SUPT3H: variants seen among roughly 807,000 people sequenced by gnomAD.
SUPT3H encodes transcription initiation protein SPT3 homolog.
A neutral mutation model predicts 44.3 loss-of-function variants in SUPT3H; 44 were observed. The ratio of observed to expected loss-of-function variants is 0.99; its 90% CI spans 0.78 to 1.28. The LOEUF is 1.28. Ranked by LOEUF, SUPT3H falls within the 50% of genes most tolerant of loss-of-function variation. The pLI is 0.00. For synonymous variants in SUPT3H, 124 were observed against 125.6 expected, an observed-to-expected ratio of 0.99 and a Z score of 0.09; for missense variants, 380 against 387.1, an observed-to-expected ratio of 0.98 and a Z score of 0.15.
intron 1 of SUPT3H, among the ~76,000 whole-genome samples, chr6:45,374,617 C>T (rs186686156): frequency 8.7e-4 from 132 of 152,268 alleles, no homozygotes; most frequent in African/African-American, 3.2e-3. Context: ...CATTCTAATA[C>T]ATAATCAGAT....
In SUPT3H at chr6:45,219,987, C is replaced by T. The variant is rs758952218; in HGVS notation, c.102-113981G>A. 5.2e-5 allele frequency among the ~76,000 whole-genome samples: 7 copies of T among 134,584 alleles called. No homozygotes were observed. In the Admixed American group the frequency reaches 5.4e-4, roughly 10 times the overall value. 88.3% of individuals were successfully genotyped at this position (134,584 alleles called of 152,430 possible). A position where few individuals can be genotyped will look rare whatever the true frequency, so the allele number is the denominator to read the frequency against. ...CTGGGAGGCAGAGGTTTCAGTGAGC[C>T]GAGACCATGCCATTGCACTCCAGCC... On this transcript the variant is annotated intron_variant, in intron 2 of 10. Coordinates refer to ENST00000371459, the MANE Select transcript of SUPT3H (RefSeq NM_003599.4).
At chr6:45,016,570 A>G (rs1784316668) in intron 4 of SUPT3H, among the ~76,000 whole-genome samples, 1 of 137,394 alleles carries the variant, frequency 7.3e-6, no homozygotes, top group East Asian at 2.2e-4. Flanking sequence ...TTGAACTCCC[A>G]TCTATGAGTG....
At chr6:45,103,911 C>T (rs1242212445) in intron 3 of SUPT3H, among the ~76,000 whole-genome samples, 9 of 151,974 alleles carry the variant, frequency 5.9e-5, no homozygotes, top group Non-Finnish European at 1.2e-4. Context: ...TAATGTAGGT[C>T]AGAAAATATT....
At chr6:45,000,682 T>A (rs935620216) in intron 6 of SUPT3H, among the ~76,000 whole-genome samples, 1 of 152,134 alleles carries the variant, frequency 6.6e-6, no homozygotes, top group Admixed American at 6.6e-5. Context: ...CAACAAATTT[T>A]AAGCTGCCTT....
intron 4 of SUPT3H, among the ~76,000 whole-genome samples, chr6:45,020,242 T>G (rs1456092057): frequency 6.6e-6 from 1 of 151,982 alleles, no homozygotes; most frequent in African/African-American, 2.4e-5. Context: ...ATCCCACTTA[T>G]GACAACAGAA....
intron 2 of SUPT3H, among the ~76,000 whole-genome samples, chr6:45,238,792 T>C (rs931127831): frequency 1.3e-5 from 2 of 152,116 alleles, no homozygotes; most frequent in African/African-American, 4.8e-5. Flanking sequence ...GGAAAAATTA[T>C]TGTCCCTCTC....
chr6:44,996,541 A>C (rs1373614942), intron 6 of SUPT3H, among the ~76,000 whole-genome samples: 1 of 151,868 alleles, frequency 6.6e-6, no homozygotes, highest in Non-Finnish European at 1.5e-5. Context: ...AGAATATTTT[A>C]ATAGAGTCTA....
chr6:45,049,691 T>C (rs947879598), intron 3 of SUPT3H, among the ~76,000 whole-genome samples: 1 of 152,160 alleles, frequency 6.6e-6, no homozygotes, highest in African/African-American at 2.4e-5. Flanking sequence ...GTTTATAGCT[T>C]AACTCAGAAA....
rs1358889712 is a variant in SUPT3H, at chr6:45,088,113, G to A, written c.186+17809C>T. 1.3e-4 allele frequency among the ~76,000 whole-genome samples: 20 copies of A among 152,126 alleles called. No homozygotes were observed. The East Asian group carries it at 1.4e-3, about 10-fold the overall frequency. The stretch of plus-strand genomic sequence containing the variant: ...ATGAATTAAATTTAGATCATTCTGC[G>A]TCTGCAGGTTTCTTCTCAGGGACAT... On this transcript the variant is annotated intron_variant, in intron 3 of 10. Coordinates refer to ENST00000371459, the MANE Select transcript of SUPT3H (RefSeq NM_003599.4).
At chr6:45,107,436 T>C (rs541882298) in intron 2 of SUPT3H, among the ~76,000 whole-genome samples, 2 of 152,262 alleles carry the variant, frequency 1.3e-5, no homozygotes, top group South Asian at 4.1e-4. Flanking sequence ...GGTGACACCC[T>C]CAATGTGTGA....
chr6:44,841,459 A>G (rs1770920928), intron 10 of SUPT3H, among the ~76,000 whole-genome samples: 1 of 152,146 alleles, frequency 6.6e-6, no homozygotes, highest in Non-Finnish European at 1.5e-5. Flanking sequence ...AAGTGTTGGG[A>G]GGTGTTTAAA....
chr6:45,080,210 C>T (rs149942888), intron 3 of SUPT3H, among the ~76,000 whole-genome samples: 215 of 152,216 alleles, frequency 1.4e-3, no homozygotes, highest in East Asian at 7.1e-3. Context: ...TACAACTGAT[C>T]GTCAGAGAAA....
At chr6:45,099,136 AT>A in intron 3 of SUPT3H, 1 of 335,050 alleles carries the variant, frequency 3.0e-6, no homozygotes. Flanking sequence ...CAACCCCAGG[AT>A]TTAGGCCACA....
Position 44,827,464 on chromosome 6 carries a change from T to TTGAG in SUPT3H, c.*2348_*2351dup, listed in dbSNP as rs749911105. Among the ~76,000 whole-genome samples, 7 of 152,122 alleles carry TTGAG rather than the reference T, an allele frequency of 4.6e-5. No homozygotes were observed. Among genetic ancestry groups the TTGAG allele is most frequent in the Non-Finnish European group, 7.4e-5 (5 of 67,982 alleles). ...TCATCTCTGGTCTGTCACTACATTA[T>TTGAG]TGAGTGATCTTAGGAAACTCACTTT... On this transcript the variant is annotated 3_prime_UTR_variant, in exon 11 of 11. Coordinates refer to ENST00000371459, the MANE Select transcript of SUPT3H (RefSeq NM_003599.4).
intron 2 of SUPT3H, chr6:45,328,814 A>C (rs766149484): frequency 6.2e-7 from 1 of 1,604,286 alleles, no homozygotes; most frequent in African/African-American, 1.3e-5. Flanking sequence ...AAATCCTGTA[A>C]GATATGAACC....
intron 5 of SUPT3H, among the ~76,000 whole-genome samples, chr6:45,010,654 A>G (rs553838355): frequency 2.0e-5 from 3 of 152,268 alleles, no homozygotes; most frequent in Non-Finnish European, 4.4e-5. Flanking sequence ...ATCTTGTTGT[A>G]TCCACATATG....
intron 10 of SUPT3H, among the ~76,000 whole-genome samples, chr6:44,922,613 C>T (rs1225206337): frequency 1.3e-5 from 2 of 152,084 alleles, no homozygotes; most frequent in African/African-American, 4.8e-5. Flanking sequence ...TTAGATGTTT[C>T]TGGCAATAGT....
At chr6:44,916,216 C>T (rs556764715) in intron 10 of SUPT3H, among the ~76,000 whole-genome samples, 107 of 152,324 alleles carry the variant, frequency 7.0e-4, no homozygotes, top group Non-Finnish European at 1.0e-3. Flanking sequence ...GATGCTCAAG[C>T]TGGAAACTTA....
At chr6:45,328,571 T>C in intron 2 of SUPT3H, 1 of 1,580,562 alleles carries the variant, frequency 6.3e-7, no homozygotes, top group African/African-American at 1.4e-5. Flanking sequence ...GCTACATAAT[T>C]TCTTGACAGA....
Sources: allele counts gnomAD v4.1 joint callset (sites outside exome capture counted in the v4.1 genomes callset), GRCh38; gene constraint gnomAD v4.1.1; transcripts MANE v1.5; gene names NCBI Gene and HGNC (gene_info 2026-07-23, HGNC 2026-07-21).